Variants in XRCC4 observed in about 807,000 individuals in gnomAD.
XRCC4 encodes the protein X-ray repair cross complementing 4, also known as DNA repair protein XRCC4.
XRCC4 carries 28 observed loss-of-function variants against 39.1 expected under a neutral mutation model. The ratio of observed to expected loss-of-function variants is 0.72; its 90% confidence interval spans 0.53 to 0.98. The LOEUF is 0.98. Ranked by LOEUF, XRCC4 falls within the 50% of genes least tolerant of loss-of-function variation. XRCC4 has a pLI of 0.00. For missense variants in XRCC4, 350 were observed against 376.4 expected (o/e 0.93, Z 0.58); for synonymous variants, 123 against 126.4 (o/e 0.97, Z 0.18).
chr5:83,197,501 AT>A (rs1276983915), intron 4 of XRCC4, among the ~76,000 whole-genome samples: 14 of 152,116 alleles, frequency 9.2e-5, no homozygotes, highest in Non-Finnish European at 1.6e-4. Context: ...TGAAAGAGGT[AT>A]TATCTCATCA....
At chr5:83,241,872 C>A (rs1327223988) in intron 6 of XRCC4, among the ~76,000 whole-genome samples, 1 of 151,674 alleles carries the variant, frequency 6.6e-6, no homozygotes, top group Non-Finnish European at 1.5e-5. Flanking sequence ...ATTTACTATT[C>A]ATTAAGTGGA....
At chr5:83,267,263 A>G (rs1753988080) in intron 7 of XRCC4, among the ~76,000 whole-genome samples, 1 of 152,160 alleles carries the variant, frequency 6.6e-6, no homozygotes, top group Admixed American at 6.5e-5. Flanking sequence ...GGCTTTGAAG[A>G]TGAATGTTAT....
At chr5:83,232,081 T>G (rs1011401854) in intron 6 of XRCC4, among the ~76,000 whole-genome samples, 1 of 152,128 alleles carries the variant, frequency 6.6e-6, no homozygotes, top group Non-Finnish European at 1.5e-5. Context: ...CTCGTTATTC[T>G]TCTCTTTCCA....
At chr5:83,273,118 T>A (rs539959516) in intron 7 of XRCC4, among the ~76,000 whole-genome samples, 1 of 152,348 alleles carries the variant, frequency 6.6e-6, no homozygotes, top group South Asian at 2.1e-4. Flanking sequence ...ATCACCATTC[T>A]TACTGGAGTG....
At chr5:83,143,890 C>G (rs1380897002) in intron 3 of XRCC4, among the ~76,000 whole-genome samples, 1 of 151,614 alleles carries the variant, frequency 6.6e-6, no homozygotes, top group African/African-American at 2.4e-5. Flanking sequence ...TATGATGTGC[C>G]TAGGAGTTTT....
chr5:83,349,007 T>C (rs1757002804), intron 7 of XRCC4, among the ~76,000 whole-genome samples: 1 of 152,196 alleles, frequency 6.6e-6, no homozygotes, highest in African/African-American at 2.4e-5. Context: ...TTATTGTCCA[T>C]ATCACCATCA....
intron 7 of XRCC4, among the ~76,000 whole-genome samples, chr5:83,274,161 T>A (rs1754243688): frequency 6.6e-6 from 1 of 152,218 alleles, no homozygotes; most frequent in Admixed American, 6.5e-5. Flanking sequence ...CTCTTGCTCA[T>A]GTTCATTCTG....
At chr5:83,242,017 G>C (rs1459419481) in intron 6 of XRCC4, among the ~76,000 whole-genome samples, 1 of 151,754 alleles carries the variant, frequency 6.6e-6, no homozygotes, top group East Asian at 1.9e-4. Context: ...CAGGGTGGCA[G>C]AGTCGGAAGA....
chr5:83,281,480 C>T (rs920764830), intron 7 of XRCC4, among the ~76,000 whole-genome samples: 5 of 150,970 alleles, frequency 3.3e-5, no homozygotes, highest in Admixed American at 6.6e-5. Context: ...TGTGTTCGGT[C>T]GAGTTTGCAC....
At chr5:83,127,750 T>G (rs1379693111) in intron 3 of XRCC4, among the ~76,000 whole-genome samples, 1 of 152,130 alleles carries the variant, frequency 6.6e-6, no homozygotes, top group Non-Finnish European at 1.5e-5. Context: ...TTTGAAGGAC[T>G]TCATTTAATA....
chr5:83,100,343 T>A (rs1044187623), intron 1 of XRCC4, among the ~76,000 whole-genome samples: 4 of 152,140 alleles, frequency 2.6e-5, no homozygotes, highest in African/African-American at 9.7e-5. Flanking sequence ...TTCTTAAAAC[T>A]GATCCCCAGA....
At chr5:83,207,561 CA>C (rs1430489198) in intron 6 of XRCC4, among the ~76,000 whole-genome samples, 1 of 151,796 alleles carries the variant, frequency 6.6e-6, no homozygotes, top group Non-Finnish European at 1.5e-5. Context: ...TCTTCTGCTG[CA>C]AAAAGAAATG....
intron 7 of XRCC4, among the ~76,000 whole-genome samples, chr5:83,309,296 A>AAAAAAAATAT (rs1561467702): frequency 1.4e-5 from 1 of 72,218 alleles, no homozygotes; most frequent in Non-Finnish European, 2.1e-5. Context: ...AAAAAAAAAA[A>AAAAAAAATAT]ATATATATAT....
chr5:83,288,656 ACCTTGTTT>A (rs1754814281), intron 7 of XRCC4, among the ~76,000 whole-genome samples: 1 of 151,764 alleles, frequency 6.6e-6, no homozygotes, highest in Middle Eastern at 3.4e-3. Flanking sequence ...TGTAAATCAT[ACCTTGTTT>A]CTGTGTATGT....
intron 6 of XRCC4, among the ~76,000 whole-genome samples, chr5:83,226,429 AG>A (rs915374859): frequency 5.3e-5 from 8 of 152,006 alleles, no homozygotes; most frequent in African/African-American, 1.9e-4. Flanking sequence ...TACTGGCCCA[AG>A]GGGTTTGAAG....
At chr5:83,078,398 T>C (rs1054223443) in intron 1 of XRCC4, among the ~76,000 whole-genome samples, 4 of 152,210 alleles carry the variant, frequency 2.6e-5, no homozygotes, top group African/African-American at 9.7e-5. Flanking sequence ...TCTAAATGTG[T>C]GGTGTATTTT....
intron 3 of XRCC4, among the ~76,000 whole-genome samples, chr5:83,136,399 T>A (rs1462581418): frequency 6.6e-6 from 1 of 152,200 alleles, no homozygotes; most frequent in Non-Finnish European, 1.5e-5. Context: ...CTTCATTCCA[T>A]GCACATAAGA....
chr5:83,275,542 G>A (rs917066511), intron 7 of XRCC4, among the ~76,000 whole-genome samples: 6 of 152,026 alleles, frequency 3.9e-5, no homozygotes, highest in Non-Finnish European at 8.8e-5. Context: ...TGATCCGCCC[G>A]CCTCGGCCTC....
At chr5:83,124,437 G>A (rs1296758072) in intron 3 of XRCC4, among the ~76,000 whole-genome samples, 2 of 152,112 alleles carry the variant, frequency 1.3e-5, no homozygotes, top group East Asian at 1.9e-4. Flanking sequence ...ATCGTTGAAT[G>A]TATCAGTAGA....
Sources: gnomAD v4.1 joint callset for allele counts (sites outside exome capture counted in the v4.1 genomes callset) on GRCh38, gnomAD v4.1.1 for gene constraint, MANE v1.5 for transcripts, NCBI Gene and HGNC (gene_info 2026-07-23, HGNC 2026-07-21) for gene names.